FGF14: variants seen among roughly 807,000 people sequenced by gnomAD.
FGF14 encodes fibroblast growth factor 14.
A neutral mutation model predicts 25.5 loss-of-function variants in FGF14; 5 were observed. The observed-to-expected ratio is 0.20, with a 90% CI of 0.10 to 0.41. The LOEUF (loss-of-function observed/expected upper bound fraction) is 0.41. Ranked by LOEUF, FGF14 falls within the 10% of genes least tolerant of loss-of-function variation. The pLI is 1.00. For missense variants in FGF14, 222 were observed against 320.1 expected, an observed-to-expected ratio of 0.69 and a Z score of 2.34; for synonymous variants, 138 against 118.3, an observed-to-expected ratio of 1.17 and a Z score of -1.08.
chr13:101,777,430 A>G (rs1019737150), intron 3 of FGF14, among the ~76,000 whole-genome samples: 3 of 152,178 alleles, frequency 2.0e-5, no homozygotes, highest in Admixed American at 6.5e-5. Context: ...TGCAAAATTC[A>G]GAAGCTGATG....
At chr13:102,222,429 T>C (rs1275364986) in intron 1 of FGF14, among the ~76,000 whole-genome samples, 3 of 152,196 alleles carry the variant, frequency 2.0e-5, no homozygotes, top group Non-Finnish European at 4.4e-5. Flanking sequence ...ATTAAAGACA[T>C]GCACTGCAGC....
chr13:101,759,564 C>G (rs992878797), intron 3 of FGF14, among the ~76,000 whole-genome samples: 1 of 152,130 alleles, frequency 6.6e-6, no homozygotes, highest in Non-Finnish European at 1.5e-5. Flanking sequence ...AACATCTGAT[C>G]CCTAGGTTGG....
At chr13:101,943,817 A>AT (rs2035608025) in intron 1 of FGF14, among the ~76,000 whole-genome samples, 1 of 109,040 alleles carries the variant, frequency 9.2e-6, no homozygotes, top group African/African-American at 3.4e-5. Flanking sequence ...CTACTTAAAA[A>AT]AAAAAAAAAA....
intron 1 of FGF14, among the ~76,000 whole-genome samples, chr13:101,894,703 T>G (rs992847242): frequency 6.6e-6 from 1 of 152,182 alleles, no homozygotes. Context: ...CTTCCTATCA[T>G]GGTTTGGGAC....
intron 1 of FGF14, among the ~76,000 whole-genome samples, chr13:102,095,838 C>A (rs1389835771): frequency 1.1e-4 from 17 of 152,048 alleles, no homozygotes; most frequent in Non-Finnish European, 1.0e-4. Flanking sequence ...TTGATATTAA[C>A]AGTAAGCCTT....
intron 1 of FGF14, among the ~76,000 whole-genome samples, chr13:102,013,689 G>A (rs16959588): frequency 0.088 from 13,318 of 152,194 alleles, 1,305 homozygotes; most frequent in African/African-American, 0.24. Flanking sequence ...TCTCAGAAGC[G>A]TAAGGTTGCC....
intron 3 of FGF14, among the ~76,000 whole-genome samples, chr13:101,799,252 T>G (rs1005085454): frequency 2.6e-5 from 4 of 152,112 alleles, no homozygotes; most frequent in African/African-American, 9.7e-5. Context: ...CTGTTCTCTC[T>G]GATACTCATT....
chr13:101,862,105 G>A (rs1030770805), intron 3 of FGF14, among the ~76,000 whole-genome samples: 2 of 152,054 alleles, frequency 1.3e-5, no homozygotes, highest in African/African-American at 4.8e-5. Flanking sequence ...AGCTTTAAGA[G>A]GGATGGTTTT....
intron 3 of FGF14, among the ~76,000 whole-genome samples, chr13:101,825,221 T>G (rs1042429087): frequency 5.9e-5 from 9 of 152,208 alleles, no homozygotes; most frequent in African/African-American, 1.4e-4. Flanking sequence ...CCTTAACCTG[T>G]GAGATCTGAC....
chr13:101,875,698 A>G (rs1024686582), intron 1 of FGF14, among the ~76,000 whole-genome samples: 1 of 152,106 alleles, frequency 6.6e-6, no homozygotes, highest in Non-Finnish European at 1.5e-5. Flanking sequence ...TTTTTAATGG[A>G]GTTCTCCTTT....
At chr13:102,036,981 A>AT (rs936344602) in intron 1 of FGF14, among the ~76,000 whole-genome samples, 1 of 152,128 alleles carries the variant, frequency 6.6e-6, no homozygotes, top group African/African-American at 2.4e-5. Flanking sequence ...CAGGGAGCAT[A>AT]TTTTCAGAGT....
chr13:102,140,582 A>G (rs2046606460), intron 1 of FGF14, among the ~76,000 whole-genome samples: 1 of 152,212 alleles, frequency 6.6e-6, no homozygotes, highest in Non-Finnish European at 1.5e-5. Flanking sequence ...TATGCTGATA[A>G]GGGGAGTGAG....
At chr13:102,383,981 G>C (rs1595017172) in intron 1 of FGF14, among the ~76,000 whole-genome samples, 1 of 152,106 alleles carries the variant, frequency 6.6e-6, no homozygotes, top group East Asian at 1.9e-4. Context: ...TCTCAGTCAT[G>C]GTGTTCCAAT....
chr13:101,954,190 C>T (rs1378272447), intron 1 of FGF14, among the ~76,000 whole-genome samples: 2 of 151,720 alleles, frequency 1.3e-5, no homozygotes, highest in African/African-American at 2.4e-5. Flanking sequence ...CCAGAGAAGC[C>T]GAGATGTCAG....
intron 1 of FGF14, among the ~76,000 whole-genome samples, chr13:101,967,359 T>C (rs1023296415): frequency 6.6e-6 from 1 of 152,248 alleles, no homozygotes; most frequent in East Asian, 1.9e-4. Flanking sequence ...CTTGACTGTT[T>C]TCATAATGTT....
Position 102,282,144 on chromosome 13 carries a change from G to A in FGF14, c.208+119327C>T, listed in dbSNP as rs577168574. Among the ~76,000 whole-genome samples, 313 of 148,916 alleles carry A rather than the reference G, an allele frequency of 2.1e-3. 1 individual carries two copies. Among genetic ancestry groups the A allele is most frequent in the African/African-American group, 7.4e-3 (297 of 40,252 alleles). Reference sequence around the variant, plus strand: ...TAAAATGGCACGATCTCGGCTCACCGCAACCTCTGCCTCCTAAGTTCAAGA... The same window carrying A: ...TAAAATGGCACGATCTCGGCTCACCACAACCTCTGCCTCCTAAGTTCAAGA... On this transcript the variant is annotated intron_variant, in intron 1 of 4. Transcript: ENST00000376131.
chr13:101,790,579 C>A (rs761666032), intron 3 of FGF14, among the ~76,000 whole-genome samples: 1 of 152,004 alleles, frequency 6.6e-6, no homozygotes, highest in Admixed American at 6.6e-5. Flanking sequence ...ATTAAGTGTA[C>A]ATTGTTAAAA....
At chr13:101,980,953 C>T (rs983318877) in intron 1 of FGF14, among the ~76,000 whole-genome samples, 6 of 152,020 alleles carry the variant, frequency 3.9e-5, no homozygotes, top group South Asian at 2.1e-4. Flanking sequence ...ATAAAAGAGG[C>T]CCCAGGGGCT....
chr13:101,721,384 TAAA>T lies in FGF14; in HGVS notation c.*1444_*1446del, dbSNP rs141506954. 1 of 151,894 alleles carries T rather than the reference TAAA, an allele frequency of 6.6e-6. No individual in the cohort carries two copies. Among genetic ancestry groups the T allele is most frequent in the African/African-American group, 2.4e-5 (1 of 41,346 alleles). The allele number at this position is 151,894 out of a possible 1,614,324, so 9.4% of individuals were successfully genotyped here. A position where few individuals can be genotyped will look rare whatever the true frequency, so the allele number is the denominator to read the frequency against. On this transcript the variant is annotated 3_prime_UTR_variant, in exon 5 of 5. Coordinates refer to ENST00000376143, the MANE Select transcript of FGF14 (RefSeq NM_004115.4). ...TAAAAAGGAAATTAAGAATGCAAAA[TAAA>T]AGAAAATAAATGGAATGGACCAAAA...
Sources: gnomAD v4.1 joint callset for allele counts (sites outside exome capture counted in the v4.1 genomes callset) on GRCh38, gnomAD v4.1.1 for gene constraint, MANE v1.5 for transcripts, NCBI Gene and HGNC (gene_info 2026-07-23, HGNC 2026-07-21) for gene names.